The following TMEM38B variants were observed in gnomAD, a reference collection of about 807,000 sequenced individuals.
The protein encoded by TMEM38B is transmembrane protein 38B.
A neutral mutation model predicts 28.7 loss-of-function variants in TMEM38B; 24 were observed. The observed-to-expected ratio is 0.84, with a 90% CI of 0.61 to 1.18. The LOEUF is 1.18. Ranked by LOEUF, TMEM38B falls within the 50% of genes most tolerant of loss-of-function variation. The pLI, the probability that TMEM38B is intolerant of heterozygous loss-of-function variation, is 0.00. For synonymous variants in TMEM38B, 131 were observed against 127.7 expected (o/e 1.03, Z -0.17); for missense variants, 380 against 350.9 (o/e 1.08, Z -0.66).
At chr9:105,711,797 A>G (rs1328092466) in intron 2 of TMEM38B, among the ~76,000 whole-genome samples, 1 of 151,188 alleles carries the variant, frequency 6.6e-6, no homozygotes, top group Non-Finnish European at 1.5e-5. Context: ...TCCAGCCTGC[A>G]CGTAGGAGTG....
chr9:105,730,152 T>C (rs969370616), intron 4 of TMEM38B, among the ~76,000 whole-genome samples: 8 of 152,196 alleles, frequency 5.3e-5, no homozygotes, highest in South Asian at 2.1e-4. Flanking sequence ...CCTTGTCTTG[T>C]GCCGGTTTTC....
intron 4 of TMEM38B, among the ~76,000 whole-genome samples, chr9:105,735,374 C>T (rs1002695146): frequency 2.0e-5 from 3 of 152,160 alleles, no homozygotes; most frequent in African/African-American, 7.2e-5. Context: ...GAAGTTACTT[C>T]TAGTGGTGAA....
intron 2 of TMEM38B, among the ~76,000 whole-genome samples, chr9:105,708,802 CCTT>C (rs2133558100): frequency 6.6e-6 from 1 of 152,124 alleles, no homozygotes; most frequent in Non-Finnish European, 1.5e-5. Flanking sequence ...ATCACATCAT[CCTT>C]CTTTATTTTT....
chr9:105,764,556 C>G (rs1482091459), intron 5 of TMEM38B, among the ~76,000 whole-genome samples: 1 of 152,064 alleles, frequency 6.6e-6, no homozygotes, highest in Non-Finnish European at 1.5e-5. Context: ...AGGAGAACTG[C>G]AAACCACTGC....
intron 4 of TMEM38B, among the ~76,000 whole-genome samples, chr9:105,746,892 T>A (rs1467647905): frequency 1.3e-5 from 2 of 152,162 alleles, no homozygotes; most frequent in African/African-American, 2.4e-5. Flanking sequence ...TGATTTGCGT[T>A]TGTGGAACCA....
chr9:105,759,608 A>G, intron 5 of TMEM38B: 3 of 1,570,686 alleles, frequency 1.9e-6, no homozygotes, highest in Non-Finnish European at 2.6e-6. Flanking sequence ...GTGTCAGGGA[A>G]TTCAAGTAAA....
Position 105,759,118 on chromosome 9 carries a change from A to C in TMEM38B, c.660+10928A>C, listed in dbSNP as rs573041086. ...TGGCCAAGAAGTGATGATACGAATAATCCAACTTATGTTGGATTTGAACAA... is the reference window on the plus strand; with the variant it reads ...TGGCCAAGAAGTGATGATACGAATACTCCAACTTATGTTGGATTTGAACAA... On this transcript the variant is annotated intron_variant, in intron 5 of 5. Coordinates refer to ENST00000374692, the MANE Select transcript of TMEM38B (RefSeq NM_018112.3). 4 of 782,246 alleles carry C rather than the reference A, an allele frequency of 5.1e-6. No individual in the cohort carries two copies. The South Asian group carries it at 5.4e-5, about 11-fold the overall frequency. 48.5% of individuals were successfully genotyped at this position (782,246 alleles called of 1,614,324 possible).
At chr9:105,745,584 G>T (rs868700181) in intron 4 of TMEM38B, among the ~76,000 whole-genome samples, 361 of 152,058 alleles carry the variant, frequency 2.4e-3, no homozygotes, top group Non-Finnish European at 3.5e-3. Context: ...AGAAGCTCTT[G>T]AGTTTAATTA....
At chr9:105,751,604 T>C (rs1462374318) in intron 5 of TMEM38B, among the ~76,000 whole-genome samples, 1 of 152,206 alleles carries the variant, frequency 6.6e-6, no homozygotes, top group Non-Finnish European at 1.5e-5. Flanking sequence ...AGGCCCCACT[T>C]CCATGGCATC....
At chr9:105,730,505 C>T (rs7039864) in intron 4 of TMEM38B, among the ~76,000 whole-genome samples, 2,280 of 152,274 alleles carry the variant, frequency 0.015, 64 homozygotes, top group African/African-American at 0.052. Flanking sequence ...CATCCATGTT[C>T]ATCAGGGATA....
chr9:105,729,243 G>C (rs1836640076), intron 4 of TMEM38B, among the ~76,000 whole-genome samples: 1 of 152,124 alleles, frequency 6.6e-6, no homozygotes, highest in Non-Finnish European at 1.5e-5. Context: ...AATCCATCTT[G>C]AATTAATTTT....
chr9:105,706,130 G>A (rs1299788286), intron 2 of TMEM38B, among the ~76,000 whole-genome samples: 3 of 152,032 alleles, frequency 2.0e-5, no homozygotes, highest in Admixed American at 1.3e-4. Flanking sequence ...AACTCCTGAC[G>A]TGAGGTGATC....
intron 5 of TMEM38B, among the ~76,000 whole-genome samples, chr9:105,752,658 C>G (rs1837697280): frequency 6.6e-6 from 1 of 152,140 alleles, no homozygotes; most frequent in Non-Finnish European, 1.5e-5. Flanking sequence ...CACAAAAACC[C>G]CATTCAGAAG....
chr9:105,751,567 C>T (rs1271134256), intron 5 of TMEM38B, among the ~76,000 whole-genome samples: 1 of 152,178 alleles, frequency 6.6e-6, no homozygotes, highest in Admixed American at 6.5e-5. Context: ...AGGGCTGAAT[C>T]CAGGGAACCA....
chr9:105,766,220 A>G (rs913150096), intron 5 of TMEM38B, among the ~76,000 whole-genome samples: 38 of 152,242 alleles, frequency 2.5e-4, no homozygotes, highest in Non-Finnish European at 2.2e-4. Flanking sequence ...ATCATTTTAC[A>G]TTCCCACTAG....
intron 4 of TMEM38B, among the ~76,000 whole-genome samples, chr9:105,729,990 G>C (rs751526462): frequency 1.3e-5 from 2 of 151,990 alleles, no homozygotes; most frequent in East Asian, 1.9e-4. Context: ...GAGACGATGG[G>C]GTTTTCTAAA....
intron 5 of TMEM38B, among the ~76,000 whole-genome samples, chr9:105,761,216 C>G (rs964394652): frequency 3.3e-5 from 5 of 152,172 alleles, no homozygotes; most frequent in African/African-American, 9.6e-5. Flanking sequence ...AGATAATTCT[C>G]AGCTGCCAAA....
At chr9:105,713,124 C>A (rs1422997039) in intron 2 of TMEM38B, among the ~76,000 whole-genome samples, 2 of 152,178 alleles carry the variant, frequency 1.3e-5, no homozygotes, top group Non-Finnish European at 2.9e-5. Context: ...TGCAGCTGCC[C>A]AAGTCATGGC....
intron 4 of TMEM38B, among the ~76,000 whole-genome samples, chr9:105,741,218 T>C (rs1837190688): frequency 1.3e-5 from 2 of 152,190 alleles, no homozygotes; most frequent in Admixed American, 1.3e-4. Flanking sequence ...ATTTTAAATT[T>C]CTCTGTTTTT....
Sources: gnomAD v4.1 joint callset for allele counts (sites outside exome capture counted in the v4.1 genomes callset) on GRCh38, gnomAD v4.1.1 for gene constraint, MANE v1.5 for transcripts, NCBI Gene and HGNC (gene_info 2026-07-23, HGNC 2026-07-21) for gene names.